KREMEN1: variants seen among roughly 807,000 people sequenced by gnomAD.
KREMEN1 encodes the protein kremen protein 1.
In KREMEN1, 30 loss-of-function variants were observed where a neutral mutation model predicts 46.5. The observed-to-expected ratio is 0.65, with a 90% confidence interval of 0.48 to 0.88. The LOEUF (loss-of-function observed/expected upper bound fraction) is 0.88. Ranked by LOEUF, KREMEN1 falls within the 40% of genes least tolerant of loss-of-function variation. The pLI is 0.00. For missense variants in KREMEN1, 533 were observed against 596.9 expected (o/e 0.89, Z 1.11); for synonymous variants, 214 against 230.6 (o/e 0.93, Z 0.65).
At chr22:29,077,306 G>A (rs1205606238) in intron 1 of KREMEN1, among the ~76,000 whole-genome samples, 1 of 152,156 alleles carries the variant, frequency 6.6e-6, no homozygotes. Context: ...GTGTGACAGT[G>A]TTTCAGTAAG....
chr22:29,099,547 C>CTTTTTTT (rs56950687), intron 3 of KREMEN1: 46 of 108,798 alleles, frequency 4.2e-4, no homozygotes, highest in Non-Finnish European at 5.6e-4. Flanking sequence ...ACTTTTTTTC[C>CTTTTTTT]TTTTTTTTTT....
chr22:29,089,677 C>T (rs2037779305), intron 1 of KREMEN1, among the ~76,000 whole-genome samples: 1 of 152,180 alleles, frequency 6.6e-6, no homozygotes, highest in Non-Finnish European at 1.5e-5. Flanking sequence ...ACACTTAGAA[C>T]AAAAGCCAAA....
At chr22:29,139,185 A>G (rs1293530842) in intron 7 of KREMEN1, among the ~76,000 whole-genome samples, 1 of 152,210 alleles carries the variant, frequency 6.6e-6, no homozygotes, top group Non-Finnish European at 1.5e-5. Flanking sequence ...GGTGCCAGGC[A>G]CTGTTCTAGG....
intron 1 of KREMEN1, among the ~76,000 whole-genome samples, chr22:29,086,180 C>G (rs2037725168): frequency 6.6e-6 from 1 of 152,090 alleles, no homozygotes; most frequent in Non-Finnish European, 1.5e-5. Context: ...AGATCTTGAA[C>G]TTGAAATTGC....
At chr22:29,086,230 G>A (rs756766350) in intron 1 of KREMEN1, among the ~76,000 whole-genome samples, 3 of 152,002 alleles carry the variant, frequency 2.0e-5, no homozygotes, top group African/African-American at 4.8e-5. Flanking sequence ...AATCTGGCTC[G>A]ACTCTCCTAA....
chr22:29,137,856 T>G (rs1449406997), intron 6 of KREMEN1, among the ~76,000 whole-genome samples, 182 bp downstream of exon 6: 1 of 152,234 alleles, frequency 6.6e-6, no homozygotes, highest in Non-Finnish European at 1.5e-5. Context: ...AACTCATTTA[T>G]GTTTCATGAG....
Position 29,094,374 on chromosome 22 carries a change from A to G in KREMEN1, c.214A>G (p.Lys72Glu). ...TTTCCAGCATCCATACAACACTCTGAAATACCCCAACGGGGAGGGGGGCCT... is the reference window on the plus strand; with the variant it reads ...TTTCCAGCATCCATACAACACTCTGGAATACCCCAACGGGGAGGGGGGCCT... ...ETFQHPYNTL[K>E]YPNGEGGLGE... The change falls in exon 2 of 9, where the codon AAA becomes GAA. Residue 72 changes from lysine (K) to glutamate (E), a missense_variant. Transcript: ENST00000400335. 1 of 1,614,036 alleles carries G rather than the reference A, an allele frequency of 6.2e-7. No homozygotes were observed. The highest frequency in any genetic ancestry group is 1.3e-5 in the African/African-American group (1 of 75,020).
intron 1 of KREMEN1, among the ~76,000 whole-genome samples, chr22:29,090,516 A>C (rs1237620275): frequency 1.3e-5 from 2 of 152,210 alleles, no homozygotes; most frequent in Admixed American, 6.5e-5. Context: ...CCCTGAACCC[A>C]AAATAAAAGT....
chr22:29,167,046 A>G, exon 10 of KREMEN1: 1 of 1,551,446 alleles, frequency 6.4e-7, no homozygotes, highest in East Asian at 2.4e-5. Flanking sequence ...CTTCCCAGGC[A>G]ATTCAGGACT....
intron 2 of KREMEN1, 31 bp from the exon 3 acceptor site, chr22:29,098,831 A>G (rs375225954): frequency 4.0e-6 from 6 of 1,494,714 alleles, no homozygotes; most frequent in Non-Finnish European, 5.6e-6. Flanking sequence ...AAAACATCAG[A>G]AGTCATCAAT....
At chr22:29,160,902 C>T (rs990725298) in intron 9 of KREMEN1, among the ~76,000 whole-genome samples, 3 of 152,028 alleles carry the variant, frequency 2.0e-5, no homozygotes, top group Admixed American at 1.3e-4. Context: ...GAAATTGAGA[C>T]ACAAAAATTC....
chr22:29,102,220 G>A (rs996032450), intron 3 of KREMEN1, among the ~76,000 whole-genome samples: 1 of 152,152 alleles, frequency 6.6e-6, no homozygotes, highest in East Asian at 1.9e-4. Flanking sequence ...GAATGCTGAG[G>A]CCTCCAGGGG....
chr22:29,160,827 A>G (rs909912792), intron 9 of KREMEN1, among the ~76,000 whole-genome samples: 1 of 152,230 alleles, frequency 6.6e-6, no homozygotes, highest in Non-Finnish European at 1.5e-5. Flanking sequence ...CTAGAAAAAC[A>G]AGAACAAGCT....
intron 3 of KREMEN1, among the ~76,000 whole-genome samples, chr22:29,119,238 G>T (rs1326638927): frequency 6.6e-6 from 1 of 152,142 alleles, no homozygotes; most frequent in Non-Finnish European, 1.5e-5. Context: ...CAGATGAAGA[G>T]ATATATAGGG....
intron 5 of KREMEN1, among the ~76,000 whole-genome samples, chr22:29,131,560 ATGTGTGTGTGTGTGTG>A (rs1176208187): frequency 2.9e-5 from 2 of 69,972 alleles, no homozygotes; most frequent in African/African-American, 1.7e-4. Flanking sequence ...ATATATATAT[ATGTGTGTGTGTGTGTG>A]TGTGTGTGTG....
intron 6 of KREMEN1, among the ~76,000 whole-genome samples, chr22:29,138,263 T>C (rs2038702223): frequency 6.6e-6 from 1 of 152,184 alleles, no homozygotes; most frequent in Admixed American, 6.5e-5. Flanking sequence ...AGAGGCCCTC[T>C]CTCCAGGTGG....
intron 3 of KREMEN1, among the ~76,000 whole-genome samples, chr22:29,107,454 T>C (rs1378695041): frequency 6.6e-6 from 1 of 152,052 alleles, no homozygotes; most frequent in Non-Finnish European, 1.5e-5. Flanking sequence ...ACTCCTGACC[T>C]TGTGATTCGC....
Position 29,142,067 on chromosome 22 carries a change from G to A in KREMEN1, c.1332G>A (p.Lys444=), listed in dbSNP as rs776328552. 6.2e-7 allele frequency: 1 copy of A among 1,612,548 alleles called. No individual in the cohort carries two copies. Among genetic ancestry groups the A allele is most frequent in the Non-Finnish European group, 8.5e-7 (1 of 1,179,300 alleles). ...TTTCCATCTTTAAGAAGAAACTCAA[G>A]GGTCAGAGTCAACAAGATGACCGCA... ...TSISIFKKKL[K]GQSQQDDRNP... The change falls in exon 9 of 9, where the codon AAG becomes AAA. Residue 444 remains lysine (K), a synonymous_variant. Coordinates refer to ENST00000400335, the MANE Select transcript of KREMEN1 (RefSeq NM_001039570.3).
chr22:29,131,380 A>G lies in KREMEN1; in HGVS notation c.632-5962A>G, dbSNP rs571752973. 2.7e-5 allele frequency among the ~76,000 whole-genome samples: 4 copies of G among 150,618 alleles called. No homozygotes were observed. In the South Asian group the frequency reaches 8.3e-4, roughly 31 times the overall value. ...GTAAAAATCACCCTTTCAGTTGTAT[A>G]CTTCAGTGGGATTTGACAAATATAT... On this transcript the variant is annotated intron_variant, in intron 5 of 8. Coordinates refer to ENST00000400335, the MANE Select transcript of KREMEN1 (RefSeq NM_001039570.3).
Sources: allele counts gnomAD v4.1 joint callset (sites outside exome capture counted in the v4.1 genomes callset), GRCh38; gene constraint gnomAD v4.1.1; transcripts MANE v1.5; gene names NCBI Gene and HGNC (gene_info 2026-07-23, HGNC 2026-07-21).